The following ABCC11 variants were observed in gnomAD, a reference collection of about 807,000 sequenced individuals.
ABCC11 encodes the protein ATP binding cassette subfamily C member 11.
ABCC11 carries 135 observed loss-of-function variants against 149.3 expected under a neutral mutation model. The observed-to-expected ratio is 0.90, with a 90% CI of 0.79 to 1.04. The LOEUF is 1.04. ABCC11 is among the 50% of genes least tolerant of loss of function. ABCC11 has a pLI of 0.00. For missense variants in ABCC11, 1,680 were observed against 1,722.1 expected, an observed-to-expected ratio of 0.98 and a Z score of 0.43; for synonymous variants, 665 against 671.4, an observed-to-expected ratio of 0.99 and a Z score of 0.15.
At chr16:48,232,087 C>G in intron 1 of ABCC11, 148 bp from the exon 2 acceptor site, 1 of 1,413,812 alleles carries the variant, frequency 7.1e-7, no homozygotes, top group African/African-American at 1.4e-5. Context: ...TCTTTCCTCT[C>G]CTTAGCCTGT....
intron 22 of ABCC11, 94 bp downstream of exon 22, chr16:48,186,859 T>C (rs1359172286): frequency 8.8e-6 from 13 of 1,476,296 alleles, no homozygotes; most frequent in East Asian, 2.3e-5. Flanking sequence ...CTGATGCTTT[T>C]GAAGATGATG....
chr16:48,215,127 C>G, intron 8 of ABCC11, 70 bp downstream of exon 8: 1 of 1,583,622 alleles, frequency 6.3e-7, no homozygotes, highest in Non-Finnish European at 8.6e-7. Flanking sequence ...AAAAAATCCT[C>G]AAGAGGTGAG....
At chr16:48,212,884 T>C (rs569784357) in intron 10 of ABCC11, among the ~76,000 whole-genome samples, 1 of 152,268 alleles carries the variant, frequency 6.6e-6, no homozygotes, top group South Asian at 2.1e-4. Flanking sequence ...AGTGGACCAT[T>C]TTTAAGATGA....
In ABCC11 at chr16:48,175,377, C is replaced by A. The variant is rs756104102; in HGVS notation, c.3579G>T (p.Glu1193Asp). 6.2e-7 allele frequency: 1 copy of A among 1,613,666 alleles called. No individual in the cohort carries two copies. The highest frequency in any genetic ancestry group is 8.5e-7 in the Non-Finnish European group (1 of 1,179,564). ...CAATGAGAATCCGGCCTGCCATGGG[C>A]TCCACCAGGCGGAAGAGAGCCATGC... ...SLGMALFRLV[E>D]PMAGRILIDG... The change falls in exon 26 of 30, where the codon GAG becomes GAT. Residue 1193 changes from glutamate to aspartate, a missense_variant. Glu to Asp is a conservative substitution (Grantham distance 45). Transcript: ENST00000356608.
intron 26 of ABCC11, among the ~76,000 whole-genome samples, chr16:48,173,332 G>A (rs1017550332): frequency 8.5e-5 from 13 of 152,098 alleles, no homozygotes; most frequent in African/African-American, 2.9e-4. Context: ...TCTCATGTTC[G>A]CCATTTCTTT....
intron 20 of ABCC11, among the ~76,000 whole-genome samples, chr16:48,189,433 AT>A (rs60601039): frequency 0.018 from 2,685 of 152,090 alleles, 95 homozygotes; most frequent in African/African-American, 0.062. Context: ...TTTTTGCTTC[AT>A]TTTTTTCTGT....
intron 13 of ABCC11, among the ~76,000 whole-genome samples, chr16:48,205,051 C>G (rs376270485): frequency 6.6e-6 from 1 of 152,092 alleles, no homozygotes; most frequent in Admixed American, 6.5e-5. Context: ...CAAGATTTAA[C>G]GAATACAAAT....
At chr16:48,204,613 C>T (rs1435699306) in intron 13 of ABCC11, among the ~76,000 whole-genome samples, 1 of 152,092 alleles carries the variant, frequency 6.6e-6, no homozygotes, top group Admixed American at 6.5e-5. Context: ...AGGCAGGGTG[C>T]TCATGAGTTG....
chr16:48,167,347 G>T lies in ABCC11; in HGVS notation c.4076C>A (p.Pro1359Gln), dbSNP rs745638318. The T allele has an allele frequency of 9.9e-6, 12 of 1,215,978 alleles. No homozygotes were observed. Among genetic ancestry groups the T allele is most frequent in the Non-Finnish European group, 1.5e-5 (12 of 816,660 alleles). The allele number at this position is 1,215,978 out of a possible 1,614,324, so 75.3% of individuals were successfully genotyped here. Reference protein sequence around the residue: ...GNGKVVEFDRPEVLRKKPGSL... With the variant: ...GNGKVVEFDRQEVLRKKPGSL... Reference sequence around the variant, plus strand: ...CCCAGGCTTCTTCCGCAGTACCTCCGGCCGATCAAATTCTACCACCTGGAG... The same window carrying T: ...CCCAGGCTTCTTCCGCAGTACCTCCTGCCGATCAAATTCTACCACCTGGAG... The change falls in exon 30 of 30, where the codon CCG becomes CAG. Residue 1359 changes from proline (P) to glutamine (Q), a missense_variant. Transcript: ENST00000356608.
chr16:48,243,331 G>C (rs1403215458), intron 1 of ABCC11, among the ~76,000 whole-genome samples: 1 of 151,210 alleles, frequency 6.6e-6, no homozygotes, highest in African/African-American at 2.4e-5. Flanking sequence ...GAACCCGGGA[G>C]GCGGAGCTTG....
Position 48,167,129 on chromosome 16 carries a change from A to C in ABCC11, c.*145T>G. 1.6e-6 allele frequency: 1 copy of C among 624,390 alleles called. No homozygotes were observed. Among genetic ancestry groups the C allele is most frequent in the Non-Finnish European group, 2.9e-6 (1 of 340,942 alleles). 38.7% of individuals were successfully genotyped at this position (624,390 alleles called of 1,614,324 possible). A position where few individuals can be genotyped will look rare whatever the true frequency, so the allele number is the denominator to read the frequency against. On this transcript the variant is annotated 3_prime_UTR_variant, in exon 30 of 30. Coordinates refer to ENST00000356608, the MANE Select transcript of ABCC11 (RefSeq NM_001370497.1). Reference sequence around the variant, plus strand: ...GCCTATTCCAGGGTTTCCATCCAGCAATCCCCACCCCCCCTACATTTACCC... The same window carrying C: ...GCCTATTCCAGGGTTTCCATCCAGCCATCCCCACCCCCCCTACATTTACCC...
rs923820430 is a variant in ABCC11, at chr16:48,222,478, T to C, written c.777+120A>G. The stretch of plus-strand genomic sequence containing the variant: ...TCCACACTCAACCTAGGAATTATTT[T>C]CTTTCTCTTTCTCCTTCCTCTTCTA... On this transcript the variant is annotated intron_variant, in intron 6 of 29. Transcript: ENST00000356608. 4.6e-5 allele frequency: 37 copies of C among 798,198 alleles called. No individual in the cohort carries two copies. In the African/African-American group the frequency reaches 5.9e-4, roughly 13 times the overall value. 49.4% of individuals were successfully genotyped at this position (798,198 alleles called of 1,614,324 possible).
chr16:48,169,763 T>A, intron 28 of ABCC11, among the ~76,000 whole-genome samples: 1 of 100,590 alleles, frequency 9.9e-6, no homozygotes, highest in Non-Finnish European at 1.8e-5. Context: ...CTGGGGCCTG[T>A]CGTGGGGTGG....
At chr16:48,180,771 G>T (rs1184153547) in intron 23 of ABCC11, among the ~76,000 whole-genome samples, 1 of 152,198 alleles carries the variant, frequency 6.6e-6, no homozygotes, top group Non-Finnish European at 1.5e-5. Context: ...TTCTGAACGG[G>T]GCAGTGACAT....
intron 23 of ABCC11, 149 bp downstream of exon 23, chr16:48,184,291 C>T: frequency 2.1e-6 from 2 of 959,494 alleles, no homozygotes; most frequent in Non-Finnish European, 3.0e-6. Flanking sequence ...GTACCAATTT[C>T]AGAAGGCCAA....
rs1276856599 is a variant in ABCC11, at chr16:48,166,522, C to T, written c.*752G>A. ...AGACCAACAAACTCTTTTTTTTTTC[C>T]AAAGTTAGTTTGAGGGAGTCTCTGT... On this transcript the variant is annotated 3_prime_UTR_variant, in exon 30 of 30. Transcript: ENST00000356608. Among the ~76,000 whole-genome samples the T allele has an allele frequency of 6.6e-5, 10 of 150,940 alleles. No individual in the cohort carries two copies. In the South Asian group the frequency reaches 1.7e-3, roughly 25 times the overall value.
intron 6 of ABCC11, among the ~76,000 whole-genome samples, chr16:48,221,001 G>A (rs1969699093): frequency 6.6e-6 from 1 of 152,202 alleles, no homozygotes; most frequent in Non-Finnish European, 1.5e-5. Context: ...CGTCACGGAG[G>A]AGAGGAAAAA....
chr16:48,207,702 A>C (rs1469081449), intron 12 of ABCC11, among the ~76,000 whole-genome samples: 1 of 152,042 alleles, frequency 6.6e-6, no homozygotes, highest in East Asian at 1.9e-4. Flanking sequence ...AGGAAAGGGA[A>C]GGGAAGGGAA....
intron 2 of ABCC11, among the ~76,000 whole-genome samples, chr16:48,231,057 G>A (rs1253463169): frequency 6.6e-6 from 1 of 152,036 alleles, no homozygotes; most frequent in Non-Finnish European, 1.5e-5. Flanking sequence ...AGCACAGCAA[G>A]GATTGACAGA....
Sources: gnomAD v4.1 joint callset for allele counts (sites outside exome capture counted in the v4.1 genomes callset) on GRCh38, gnomAD v4.1.1 for gene constraint, MANE v1.5 for transcripts, NCBI Gene and HGNC (gene_info 2026-07-23, HGNC 2026-07-21) for gene names.